STAM: variants seen among roughly 807,000 people sequenced by gnomAD.
The protein encoded by STAM is signal transducing adaptor molecule, also known as signal transducing adapter molecule 1.
STAM carries 16 observed loss-of-function variants against 63.4 expected under a neutral mutation model. The observed-to-expected ratio is 0.25, with a 90% confidence interval of 0.17 to 0.38. STAM has a LOEUF of 0.38. Among genes scored for constraint, STAM ranks in the 10% least tolerant of loss-of-function variants. The pLI is 1.00. For synonymous variants in STAM, 238 were observed against 223.9 expected (o/e 1.06, Z -0.56); for missense variants, 636 against 657.1 (o/e 0.97, Z 0.35).
intron 5 of STAM, among the ~76,000 whole-genome samples, chr10:17,688,571 T>C (rs1179201401): frequency 3.9e-5 from 6 of 152,040 alleles, no homozygotes; most frequent in African/African-American, 1.4e-4. Flanking sequence ...CAGGTGATTC[T>C]CCTGCCGCAG....
chr10:17,644,211 G>T lies in STAM; in HGVS notation c.-129G>T. The stretch of plus-strand genomic sequence containing the variant: ...TTGGTGGGGTTGGGTGAGAGGAGGA[G>T]CTGTCGCGGACCCTGTAGAGTCGGT... On this transcript the variant is annotated 5_prime_UTR_variant, in exon 1 of 14. Transcript: ENST00000377524. 4 of 975,562 alleles carry T rather than the reference G, an allele frequency of 4.1e-6. No individual in the cohort carries two copies. The highest frequency in any genetic ancestry group is 6.3e-6 in the Non-Finnish European group (4 of 630,130). 60.4% of individuals were successfully genotyped at this position (975,562 alleles called of 1,614,324 possible).
chr10:17,645,677 T>A (rs1485509969), intron 1 of STAM, among the ~76,000 whole-genome samples: 1 of 152,224 alleles, frequency 6.6e-6, no homozygotes, highest in Non-Finnish European at 1.5e-5. Context: ...GGACAGAACC[T>A]TGGAGATCAC....
At chr10:17,698,974 T>C (rs138474658) in intron 8 of STAM, among the ~76,000 whole-genome samples, 151 of 152,316 alleles carry the variant, frequency 9.9e-4, no homozygotes, top group African/African-American at 3.6e-3. Flanking sequence ...TTTTGGTGAC[T>C]TGAATGGAAT....
At chr10:17,713,957 G>A (rs1299751173) in intron 13 of STAM, among the ~76,000 whole-genome samples, 2 of 151,930 alleles carry the variant, frequency 1.3e-5, no homozygotes, top group Non-Finnish European at 2.9e-5. Flanking sequence ...CTCTCCCCTC[G>A]GCACCCCCTG....
chr10:17,674,630 A>G (rs1308784209), intron 2 of STAM, among the ~76,000 whole-genome samples: 1 of 152,142 alleles, frequency 6.6e-6, no homozygotes, highest in African/African-American at 2.4e-5. Flanking sequence ...GGCTTCTTGT[A>G]AGTTATGTGT....
At chr10:17,697,380 G>A (rs1424492516) in intron 8 of STAM, among the ~76,000 whole-genome samples, 1 of 152,156 alleles carries the variant, frequency 6.6e-6, no homozygotes, top group East Asian at 1.9e-4. Context: ...GATTTTTCTT[G>A]TTCAAAGGTT....
In STAM at chr10:17,715,890, T is replaced by A. The variant is rs1167990795; in HGVS notation, c.*1110T>A. 1 of 152,618 alleles carries A rather than the reference T, an allele frequency of 6.6e-6. No homozygotes were observed. The highest frequency in any genetic ancestry group is 1.5e-5 in the Non-Finnish European group (1 of 68,006). 9.5% of individuals were successfully genotyped at this position (152,618 alleles called of 1,614,324 possible). On this transcript the variant is annotated 3_prime_UTR_variant, in exon 14 of 14. Transcript: ENST00000377524. ...CTTTAATTCTTCATTAAAATGGAAA[T>A]AAGTAGATGTTTCAAAGTAATCTAC...
At chr10:17,713,133 C>T (rs1254002819) in intron 13 of STAM, among the ~76,000 whole-genome samples, 1 of 152,180 alleles carries the variant, frequency 6.6e-6, no homozygotes, top group Admixed American at 6.5e-5. Flanking sequence ...GCTTTCTTCA[C>T]TTGCTGGTGA....
chr10:17,705,072 C>G (rs375743228), intron 11 of STAM, 48 bp downstream of exon 11: 29 of 1,544,086 alleles, frequency 1.9e-5, no homozygotes, highest in Non-Finnish European at 2.5e-5. Context: ...TTTCCTGAAG[C>G]TATCACTGTA....
At chr10:17,686,047 A>C (rs1835280220) in intron 4 of STAM, among the ~76,000 whole-genome samples, 1 of 152,238 alleles carries the variant, frequency 6.6e-6, no homozygotes, top group Non-Finnish European at 1.5e-5. Context: ...ATAGAAATAT[A>C]GTAAGAATGT....
Position 17,704,430 on chromosome 10 carries a change from G to T in STAM, c.913-1G>T. On this transcript the variant is annotated splice_acceptor_variant, in intron 9 of 13. Transcript: ENST00000377524. LOFTEE classifies it high-confidence loss of function. Reference sequence around the variant, plus strand: ...TTATATTAACTACTTAATTCCTGTAGGATAAAATGGACCAGTTGCTACAGA... The same window carrying T: ...TTATATTAACTACTTAATTCCTGTATGATAAAATGGACCAGTTGCTACAGA... 1 of 1,613,358 alleles carries T rather than the reference G, an allele frequency of 6.2e-7. No individual in the cohort carries two copies. Among genetic ancestry groups the T allele is most frequent in the East Asian group, 2.2e-5 (1 of 44,878 alleles).
chr10:17,650,641 C>G (rs1833699168), intron 1 of STAM, among the ~76,000 whole-genome samples: 1 of 152,178 alleles, frequency 6.6e-6, no homozygotes, highest in Non-Finnish European at 1.5e-5. Context: ...TTTAGATCAC[C>G]ACTCTCTCAG....
intron 1 of STAM, among the ~76,000 whole-genome samples, chr10:17,650,049 G>A (rs782062420): frequency 4.6e-5 from 7 of 152,222 alleles, no homozygotes; most frequent in African/African-American, 1.2e-4. Context: ...CAGTCAGACT[G>A]CTTTGGGCCA....
intron 2 of STAM, among the ~76,000 whole-genome samples, chr10:17,678,965 C>T (rs1334147047): frequency 6.6e-6 from 1 of 152,166 alleles, no homozygotes; most frequent in Non-Finnish European, 1.5e-5. Flanking sequence ...GTCAGAATTT[C>T]CTTAAGGCTG....
At chr10:17,651,992 A>G (rs1469003149) in intron 1 of STAM, among the ~76,000 whole-genome samples, 1 of 152,202 alleles carries the variant, frequency 6.6e-6, no homozygotes, top group Non-Finnish European at 1.5e-5. Context: ...TTGAAATTCA[A>G]ATGAGGCTCT....
intron 2 of STAM, among the ~76,000 whole-genome samples, chr10:17,669,372 G>A (rs539686719): frequency 3.5e-5 from 5 of 143,798 alleles, no homozygotes; most frequent in African/African-American, 7.7e-5. Flanking sequence ...TTTTTTTTCC[G>A]GAAATGTTGT....
At chr10:17,709,847 A>G (rs1263668029) in intron 13 of STAM, among the ~76,000 whole-genome samples, 3 of 149,348 alleles carry the variant, frequency 2.0e-5, no homozygotes, top group Admixed American at 6.8e-5. Context: ...TGTCAGATCT[A>G]GTATCCCGAA....
intron 9 of STAM, among the ~76,000 whole-genome samples, chr10:17,702,578 G>A (rs1257263291): frequency 6.6e-6 from 1 of 152,152 alleles, no homozygotes. Context: ...AATATGTGAA[G>A]GGGTTTATGG....
rs1288422596 is a variant in STAM at position 17,714,880 on chromosome 10, G to A, written c.*100G>A. 50 of 1,170,370 alleles carry A rather than the reference G, an allele frequency of 4.3e-5. No individual in the cohort carries two copies. The highest frequency in any genetic ancestry group is 6.2e-5 in the Non-Finnish European group (49 of 792,712). 72.5% of individuals were successfully genotyped at this position (1,170,370 alleles called of 1,614,324 possible). ...AGATGTGTTTATCCTCAGCTTATAG[G>A]AATCTCTCCAGGTCAACAGGTTCAA... On this transcript the variant is annotated 3_prime_UTR_variant, in exon 14 of 14. Coordinates refer to ENST00000377524, the MANE Select transcript of STAM (RefSeq NM_003473.4).
Sources: allele counts gnomAD v4.1 joint callset (sites outside exome capture counted in the v4.1 genomes callset), GRCh38; gene constraint gnomAD v4.1.1; transcripts MANE v1.5; gene names NCBI Gene and HGNC (gene_info 2026-07-23, HGNC 2026-07-21).